Variants in GRIN2D observed in about 807,000 individuals in gnomAD.
GRIN2D encodes glutamate receptor ionotropic, NMDA 2D.
In GRIN2D, 37 loss-of-function variants were observed where a neutral mutation model predicts 103.2. The ratio of observed to expected loss-of-function variants is 0.36; its 90% CI spans 0.28 to 0.47. The LOEUF is 0.47. Among genes scored for constraint, GRIN2D ranks in the 20% least tolerant of loss-of-function variants. The pLI, the probability that GRIN2D is intolerant of heterozygous loss-of-function variation, is 1.00. For synonymous variants in GRIN2D, 845 were observed against 885.6 expected, an observed-to-expected ratio of 0.95 and a Z score of 0.81; for missense variants, 1,557 against 1,910.6, an observed-to-expected ratio of 0.81 and a Z score of 3.45.
chr19:48,442,542 G>A lies in GRIN2D; in HGVS notation c.2674-58G>A. On this transcript the variant is annotated intron_variant, in intron 13 of 13. Transcript: ENST00000263269. The surrounding 1 kb of genome is among the most constrained non-coding windows in gnomAD (Gnocchi z 7.2). ...GGAGAGGAGAGAGGGACTGAGGGGA[G>A]GCGGGCAGGCGTCCTGGGCATCTCG... 1 of 1,474,580 alleles carries A rather than the reference G, an allele frequency of 6.8e-7. No individual in the cohort carries two copies. The highest frequency in any genetic ancestry group is 1.4e-5 in the South Asian group (1 of 73,362). 91.3% of individuals were successfully genotyped at this position (1,474,580 alleles called of 1,614,324 possible). A position where few individuals can be genotyped will look rare whatever the true frequency, so the allele number is the denominator to read the frequency against.
rs1970913595 is a variant in GRIN2D, at chr19:48,414,203, G to T, written c.1200+98G>T. The T allele has an allele frequency of 4.4e-6, 4 of 911,942 alleles. No homozygotes were observed. In the Admixed American group the frequency reaches 8.1e-5, roughly 18 times the overall value. The allele number at this position is 911,942 out of a possible 1,614,324, so 56.5% of individuals were successfully genotyped here. A position where few individuals can be genotyped will look rare whatever the true frequency, so the allele number is the denominator to read the frequency against. On this transcript the variant is annotated intron_variant, in intron 5 of 13. Transcript: ENST00000263269. The surrounding 1 kb of genome is among the most constrained non-coding windows in gnomAD (Gnocchi z 4.6). ...AGGTCGTGGACTAAGAGGGAGGAGGGGACAAGGAGCCTGGACTCCTGGGTC... is the reference window on the plus strand; with the variant it reads ...AGGTCGTGGACTAAGAGGGAGGAGGTGACAAGGAGCCTGGACTCCTGGGTC...
chr19:48,408,231 G>A (rs1970814751), intron 4 of GRIN2D, among the ~76,000 whole-genome samples: 1 of 151,886 alleles, frequency 6.6e-6, no homozygotes, highest in Admixed American at 6.6e-5. Context: ...CTACTCGGGA[G>A]GCTGAGGCAG....
chr19:48,398,919 G>A (rs1970676901), intron 3 of GRIN2D, 62 bp downstream of exon 3: 1 of 992,634 alleles, frequency 1.0e-6, no homozygotes, highest in Non-Finnish European at 1.3e-6. Flanking sequence ...TGAGGGGCGG[G>A]ACTGGGACAG....
At chr19:48,419,169 G>A (rs1970983926) in intron 8 of GRIN2D, 65 bp from the exon 9 acceptor site, 5 of 1,526,172 alleles carry the variant, frequency 3.3e-6, no homozygotes, top group East Asian at 4.7e-5. Context: ...GTGAGGCACC[G>A]CCCCAGCCTG....
chr19:48,410,262 G>A (rs944496377), intron 4 of GRIN2D, among the ~76,000 whole-genome samples: 6 of 149,266 alleles, frequency 4.0e-5, no homozygotes, highest in Non-Finnish European at 5.9e-5. Context: ...AGGCGTGGTG[G>A]CTCACGCCTG....
chr19:48,410,527 C>CAA (rs4009666), intron 4 of GRIN2D, among the ~76,000 whole-genome samples: 11,388 of 44,944 alleles, frequency 0.25, 2,145 homozygotes, highest in East Asian at 0.56. Context: ...GACTCTGACT[C>CAA]AAAAAAAAAA....
intron 4 of GRIN2D, among the ~76,000 whole-genome samples, chr19:48,412,447 AAGAAAG>A (rs1325569514): frequency 6.6e-6 from 1 of 150,554 alleles, no homozygotes; most frequent in African/African-American, 2.4e-5. Flanking sequence ...GAAAGAAAGA[AAGAAAG>A]AAAGAAAGAA....
intron 2 of GRIN2D, among the ~76,000 whole-genome samples, chr19:48,396,574 C>T (rs1426701751): frequency 6.6e-6 from 1 of 151,602 alleles, no homozygotes; most frequent in Non-Finnish European, 1.5e-5. Context: ...TTATTCTGAG[C>T]GCTGATTGAG....
Position 48,394,687 on chromosome 19 carries a change from G to A in GRIN2D, c.-276G>A, listed in dbSNP as rs1272687206. Among the ~76,000 whole-genome samples the A allele has an allele frequency of 6.6e-6, 1 of 152,200 alleles. No individual in the cohort carries two copies. Among genetic ancestry groups the A allele is most frequent in the East Asian group, 1.9e-4 (1 of 5,194 alleles). ...ACATGTGTAGCCACGTCCTCGCCTA[G>A]TCCAGGTGGCCGCAACCTTGGGGGA... On this transcript the variant is annotated 5_prime_UTR_variant, in exon 2 of 14. The change abolishes the stop of an existing upstream ORF in the 5' untranslated region. Transcript: ENST00000263269. The surrounding 1 kb of genome is among the most constrained non-coding windows in gnomAD (Gnocchi z 5.1).
rs1259028541 is a variant in GRIN2D at position 48,402,152 on chromosome 19, GAA to G, written c.466-2580_466-2579del. On this transcript the variant is annotated intron_variant, in intron 3 of 13. Coordinates refer to ENST00000263269, the MANE Select transcript of GRIN2D (RefSeq NM_000836.4). ...AGAAAGAAAGAAAGAAAGAAAGAAA[GAA>G]AGAAAGAAAGAAAGAGAGAAAAGAA... Among the ~76,000 whole-genome samples the G allele has an allele frequency of 7.5e-3, 1,052 of 139,854 alleles. 16 individuals carry two copies. Among genetic ancestry groups the G allele is most frequent in the African/African-American group, 0.02 (760 of 38,856 alleles). 91.7% of individuals were successfully genotyped at this position (139,854 alleles called of 152,430 possible).
At chr19:48,441,681 T>C (rs1971293231) in intron 11 of GRIN2D, 88 bp from the exon 12 acceptor site, 2 of 1,037,714 alleles carry the variant, frequency 1.9e-6, no homozygotes, top group Non-Finnish European at 2.8e-6. Flanking sequence ...TTTGGAGCAG[T>C]TGGAGGTTAC....
At position 48,421,989 on chromosome 19, in the gene GRIN2D, G is replaced by T; in HGVS notation, c.2252+44G>T. The T allele has an allele frequency of 1.3e-6, 2 of 1,590,194 alleles. No individual in the cohort carries two copies. The highest frequency in any genetic ancestry group is 1.1e-5 in the South Asian group (1 of 89,918). ...CGGGGGTGGGGGTTGGGCCGCTGGGGACCTGAGGATGCTCAAAGATGGCAA... is the reference window on the plus strand; with the variant it reads ...CGGGGGTGGGGGTTGGGCCGCTGGGTACCTGAGGATGCTCAAAGATGGCAA... On this transcript the variant is annotated intron_variant, in intron 11 of 13. Coordinates refer to ENST00000263269, the MANE Select transcript of GRIN2D (RefSeq NM_000836.4). The surrounding 1 kb of genome is among the most constrained non-coding windows in gnomAD (Gnocchi z 4.8).
chr19:48,406,664 C>T (rs917747738), intron 4 of GRIN2D, among the ~76,000 whole-genome samples: 1 of 152,194 alleles, frequency 6.6e-6, no homozygotes, highest in Non-Finnish European at 1.5e-5. Context: ...AGACCATGAA[C>T]TTATTCTTCA....
At position 48,414,517 on chromosome 19, in the gene GRIN2D, G is replaced by C; in HGVS notation, c.1345G>C (p.Asp449His). The change falls in exon 6 of 14, where the codon GAC becomes CAC. Residue 449 changes from aspartate (D) to histidine (H), a missense_variant. Asp to His is a moderately conservative substitution (Grantham distance 81). This residue lies in a region of GRIN2D where 197 missense variants were observed against 334.1 expected (regional missense o/e 0.59). Transcript: ENST00000263269. The surrounding 1 kb of genome is among the most constrained non-coding windows in gnomAD (Gnocchi z 4.6). ...ERPFVIVEPA[D>H]PISGTCIRDS... Reference sequence around the variant, plus strand: ...GCCGTTTGTCATCGTGGAGCCTGCAGACCCTATCAGCGGCACCTGCATCCG... The same window carrying C: ...GCCGTTTGTCATCGTGGAGCCTGCACACCCTATCAGCGGCACCTGCATCCG... 2 of 1,567,308 alleles carry C rather than the reference G, an allele frequency of 1.3e-6. No homozygotes were observed. The highest frequency in any genetic ancestry group is 2.3e-5 in the South Asian group (2 of 85,632).
chr19:48,426,108 T>C (rs1971081953), intron 11 of GRIN2D, among the ~76,000 whole-genome samples: 1 of 152,176 alleles, frequency 6.6e-6, no homozygotes, highest in African/African-American at 2.4e-5. Flanking sequence ...TATATAAATA[T>C]ACCATAATTC....
chr19:48,427,752 A>AT (rs1186923939), intron 11 of GRIN2D, among the ~76,000 whole-genome samples: 2 of 152,024 alleles, frequency 1.3e-5, no homozygotes, highest in African/African-American at 4.8e-5. Flanking sequence ...AAGTGCTGGG[A>AT]TTACAGGCGT....
intron 11 of GRIN2D, among the ~76,000 whole-genome samples, chr19:48,435,417 G>A (rs1483024426): frequency 6.7e-6 from 1 of 149,612 alleles, no homozygotes; most frequent in Non-Finnish European, 1.5e-5. Flanking sequence ...AGCCTCCCAA[G>A]TAGCTGAGAT....
In GRIN2D at chr19:48,444,045, T is replaced by G; in HGVS notation, c.*108T>G. On this transcript the variant is annotated 3_prime_UTR_variant, in exon 14 of 14. Transcript: ENST00000263269. This position sits in a 1 kb window ranked among gnomAD's most constrained non-coding sequence, Gnocchi z 5.5. Reference sequence around the variant, plus strand: ...GGGTTGGGAAGGAAAGCAGTGGAACTGGCCGGACCCCGCCTGGAGCAGCGT... The same window carrying G: ...GGGTTGGGAAGGAAAGCAGTGGAACGGGCCGGACCCCGCCTGGAGCAGCGT... 1 of 700,170 alleles carries G rather than the reference T, an allele frequency of 1.4e-6. No individual in the cohort carries two copies. The highest frequency in any genetic ancestry group is 2.1e-6 in the Non-Finnish European group (1 of 478,612). The allele number at this position is 700,170 out of a possible 1,614,324, so 43.4% of individuals were successfully genotyped here.
chr19:48,444,045 T>A lies in GRIN2D; in HGVS notation c.*108T>A. 1.4e-6 allele frequency: 1 copy of A among 700,170 alleles called. No homozygotes were observed. The highest frequency in any genetic ancestry group is 3.4e-5 in the East Asian group (1 of 29,080). The allele number at this position is 700,170 out of a possible 1,614,324, so 43.4% of individuals were successfully genotyped here. On this transcript the variant is annotated 3_prime_UTR_variant, in exon 14 of 14. Transcript: ENST00000263269. This position sits in a 1 kb window ranked among gnomAD's most constrained non-coding sequence, Gnocchi z 5.5. ...GGGTTGGGAAGGAAAGCAGTGGAAC[T>A]GGCCGGACCCCGCCTGGAGCAGCGT...
Sources: gnomAD v4.1 joint callset for allele counts (sites outside exome capture counted in the v4.1 genomes callset) on GRCh38, gnomAD v4.1.1 for gene constraint, gnomAD v4.1.1 regional missense constraint, Gnocchi (gnomAD v3.1) non-coding constraint, MANE v1.5 for transcripts, NCBI Gene and HGNC (gene_info 2026-07-23, HGNC 2026-07-21) for gene names.